Variants in CBX1 observed in about 807,000 individuals in gnomAD.
CBX1 encodes chromobox 1, also known as chromobox protein homolog 1.
CBX1 carries 10 observed loss-of-function variants against 25.1 expected under a neutral mutation model. The observed-to-expected ratio is 0.40, with a 90% confidence interval of 0.25 to 0.68. The LOEUF is 0.68. CBX1 is among the 30% of genes least tolerant of loss of function. The pLI is 0.40. For missense variants in CBX1, 106 were observed against 218.5 expected, an observed-to-expected ratio of 0.49 and a Z score of 3.25; for synonymous variants, 63 against 79.4, an observed-to-expected ratio of 0.79 and a Z score of 1.10.
At chr17:48,088,894 A>C (rs1443335264) in intron 1 of CBX1, 1 of 149,080 alleles carries the variant, frequency 6.7e-6, no homozygotes, top group African/African-American at 2.5e-5. Context: ...TATTATAATG[A>C]AGAATGCTGT....
At chr17:48,086,865 A>C (rs1025212774) in intron 1 of CBX1, among the ~76,000 whole-genome samples, 25 of 152,118 alleles carry the variant, frequency 1.6e-4, no homozygotes, top group African/African-American at 5.8e-4. Context: ...TCGTCTCAAA[A>C]AAAAGAAAAC....
At chr17:48,092,327 A>G (rs1182603524) in intron 1 of CBX1, among the ~76,000 whole-genome samples, 1 of 151,872 alleles carries the variant, frequency 6.6e-6, no homozygotes, top group Non-Finnish European at 1.5e-5. Flanking sequence ...TTAAAAAAAA[A>G]ATAAAATTAG....
chr17:48,097,690 C>T (rs2063383243), intron 1 of CBX1, among the ~76,000 whole-genome samples: 1 of 151,874 alleles, frequency 6.6e-6, no homozygotes, highest in Non-Finnish European at 1.5e-5. Context: ...TTAAAAGGCA[C>T]AATTTCACAG....
intron 4 of CBX1, 112 bp from the exon 5 acceptor site, chr17:48,071,691 G>T: frequency 4.5e-6 from 4 of 882,782 alleles, no homozygotes; most frequent in Non-Finnish European, 6.6e-6. Flanking sequence ...AAATAGGCTA[G>T]GGAACAATGA....
chr17:48,096,239 G>A (rs941411778), intron 1 of CBX1: 12 of 417,256 alleles, frequency 2.9e-5, no homozygotes, highest in Non-Finnish European at 3.9e-5. Context: ...AGGCTAGAAT[G>A]CTGGTGTGCG....
chr17:48,075,543 G>A (rs2037667296), intron 3 of CBX1, among the ~76,000 whole-genome samples: 1 of 152,134 alleles, frequency 6.6e-6, no homozygotes, highest in Admixed American at 6.6e-5. Context: ...GCTCAAGTAA[G>A]AGAGCTGTTA....
At chr17:48,076,825 A>T in intron 2 of CBX1, 40 bp downstream of exon 2, 1 of 1,582,796 alleles carries the variant, frequency 6.3e-7, no homozygotes, top group South Asian at 1.2e-5. Flanking sequence ...CTCCTGATAA[A>T]CACGTGGTGG....
chr17:48,070,355 A>C lies in CBX1; in HGVS notation c.*1080T>G, dbSNP rs2037613890. 1 of 152,670 alleles carries C rather than the reference A, an allele frequency of 6.6e-6. No individual in the cohort carries two copies. Among genetic ancestry groups the C allele is most frequent in the Non-Finnish European group, 1.5e-5 (1 of 68,048 alleles). 9.5% of individuals were successfully genotyped at this position (152,670 alleles called of 1,614,324 possible). ...CTTCTCCTGAGACCAAGGCTTTTGAAATCACTAAACTCTTGGATCAATTCA... is the reference window on the plus strand; with the variant it reads ...CTTCTCCTGAGACCAAGGCTTTTGACATCACTAAACTCTTGGATCAATTCA... On this transcript the variant is annotated 3_prime_UTR_variant, in exon 5 of 5. Coordinates refer to ENST00000225603, the MANE Select transcript of CBX1 (RefSeq NM_001127228.2).
intron 1 of CBX1, among the ~76,000 whole-genome samples, chr17:48,082,041 A>C (rs1369664081): frequency 1.3e-5 from 2 of 152,046 alleles, no homozygotes; most frequent in Admixed American, 1.3e-4. Flanking sequence ...GCTTGAGCCC[A>C]GGAGTTTGAG....
rs1485939495 is a variant in CBX1 at position 48,071,409 on chromosome 17, G to A, written c.*26C>T. ...TCCCACTTGAAACCCACAGTCAGAT[G>A]TGACAGGGGCTGGTACTCAGGAGCG... is the stretch of plus-strand genomic sequence containing the variant. On this transcript the variant is annotated 3_prime_UTR_variant, in exon 5 of 5. Transcript: ENST00000225603. 5.7e-6 allele frequency: 9 copies of A among 1,580,702 alleles called. No homozygotes were observed. The Admixed American group carries it at 1.3e-4, about 22-fold the overall frequency.
intron 2 of CBX1, 126 bp from the exon 3 acceptor site, chr17:48,076,304 G>A: frequency 3.0e-6 from 2 of 663,496 alleles, no homozygotes; most frequent in Non-Finnish European, 4.7e-6. Context: ...GAATGGGGAA[G>A]CTTTTTAGTA....
intron 1 of CBX1, among the ~76,000 whole-genome samples, chr17:48,080,074 CCTCT>C (rs2144439047): frequency 6.6e-6 from 1 of 152,082 alleles, no homozygotes; most frequent in South Asian, 2.1e-4. Context: ...ACACAGTCTC[CCTCT>C]GTCGCCCAGG....
At chr17:48,081,902 G>A (rs1455761258) in intron 1 of CBX1, among the ~76,000 whole-genome samples, 1 of 152,068 alleles carries the variant, frequency 6.6e-6, no homozygotes, top group Non-Finnish European at 1.5e-5. Flanking sequence ...CCTTCCCAAC[G>A]TGTTTTTTTG....
chr17:48,098,231 C>G (rs1276792480), intron 1 of CBX1, among the ~76,000 whole-genome samples: 1 of 149,744 alleles, frequency 6.7e-6, no homozygotes, highest in African/African-American at 2.5e-5. Context: ...AGCCTGGCAA[C>G]AGAGCGACAC....
At chr17:48,084,865 G>A (rs1359920624) in intron 1 of CBX1, among the ~76,000 whole-genome samples, 5 of 150,932 alleles carry the variant, frequency 3.3e-5, no homozygotes, top group South Asian at 2.1e-4. Context: ...AGCCGAGATC[G>A]CGCCACTGCA....
At chr17:48,094,988 A>G (rs2063365512) in intron 1 of CBX1, among the ~76,000 whole-genome samples, 1 of 151,714 alleles carries the variant, frequency 6.6e-6, no homozygotes, top group South Asian at 2.1e-4. Context: ...CAGAGGTTGC[A>G]GTGAGCCAAG....
chr17:48,088,619 A>AAAATAAAT (rs562444239), intron 1 of CBX1: 1 of 148,994 alleles, frequency 6.7e-6, no homozygotes, highest in Non-Finnish European at 1.5e-5. Flanking sequence ...ACTCCATCTC[A>AAAATAAAT]AAATAAATAA....
rs1003097586 is a variant in CBX1 at position 48,076,504 on chromosome 17, G to A, written c.141-326C>T. Among the ~76,000 whole-genome samples, 4 of 151,988 alleles carry A rather than the reference G, an allele frequency of 2.6e-5. No homozygotes were observed. The East Asian group carries it at 7.7e-4, about 29-fold the overall frequency. ...AGGACTGCTTGAGGCCAGGAGTTAAGAGACAAACCTGGGCAACTAAGCGAG... is the reference window on the plus strand; with the variant it reads ...AGGACTGCTTGAGGCCAGGAGTTAAAAGACAAACCTGGGCAACTAAGCGAG... On this transcript the variant is annotated intron_variant, in intron 2 of 4. Transcript: ENST00000225603.
chr17:48,084,044 G>A lies in CBX1; in HGVS notation c.-37-7003C>T, dbSNP rs113766565. ...TGTCGCTCTGTTGCCCAGTACGGTGGCCTGATCATAACTCACTGCAGCCTC... is the reference window on the plus strand; with the variant it reads ...TGTCGCTCTGTTGCCCAGTACGGTGACCTGATCATAACTCACTGCAGCCTC... On this transcript the variant is annotated intron_variant, in intron 1 of 4. Transcript: ENST00000225603. 3.4e-3 allele frequency among the ~76,000 whole-genome samples: 517 copies of A among 149,902 alleles called. 41 individuals are homozygous for A. The highest frequency in any genetic ancestry group is 0.013 in the African/African-American group (505 of 39,416).
Sources: allele counts gnomAD v4.1 joint callset (sites outside exome capture counted in the v4.1 genomes callset), GRCh38; gene constraint gnomAD v4.1.1; transcripts MANE v1.5; gene names NCBI Gene and HGNC (gene_info 2026-07-23, HGNC 2026-07-21).